The following TACC2 variants were observed in gnomAD, a reference collection of about 807,000 sequenced individuals.
TACC2 encodes the protein transforming acidic coiled-coil-containing protein 2.
In TACC2, 137 loss-of-function variants were observed where a neutral mutation model predicts 227.3. The ratio of observed to expected loss-of-function variants is 0.60; its 90% confidence interval spans 0.52 to 0.69. The LOEUF (loss-of-function observed/expected upper bound fraction) is 0.69, where lower values mean the gene tolerates loss of function less well. Among genes scored for constraint, TACC2 ranks in the 30% least tolerant of loss-of-function variants. TACC2 has a pLI of 0.00. For missense variants in TACC2, 3,470 were observed against 3,694.4 expected, an observed-to-expected ratio of 0.94 and a Z score of 1.57; for synonymous variants, 1,523 against 1,487.5, an observed-to-expected ratio of 1.02 and a Z score of -0.55.
At position 122,234,408 on chromosome 10, in the gene TACC2, CTT is replaced by C. The variant is rs948091392; in HGVS notation, c.8128-2981_8128-2980del. 5.3e-5 allele frequency among the ~76,000 whole-genome samples: 8 copies of C among 152,310 alleles called. No individual in the cohort carries two copies. In the East Asian group the frequency reaches 1.5e-3, roughly 29 times the overall value. ...ACATTTCAATTTGTGATTCTAGTGG[CTT>C]TTTTTGGCCCCTCTAAAGTAGCAAG... On this transcript the variant is annotated intron_variant, in intron 16 of 22. Coordinates refer to ENST00000369005, the MANE Select transcript of TACC2 (RefSeq NM_206862.4).
chr10:122,020,953 C>T (rs968883256), intron 1 of TACC2, among the ~76,000 whole-genome samples: 9 of 152,118 alleles, frequency 5.9e-5, no homozygotes, highest in Admixed American at 2.6e-4. Flanking sequence ...ATTAATAGGC[C>T]GGGCGCGGTG....
intron 1 of TACC2, among the ~76,000 whole-genome samples, chr10:122,016,998 A>G (rs1956729150): frequency 1.3e-5 from 2 of 152,188 alleles, no homozygotes; most frequent in South Asian, 4.1e-4. Flanking sequence ...GCCATCCACA[A>G]GCCAAAAAGA....
chr10:122,134,279 C>G (rs1048029346), intron 6 of TACC2, among the ~76,000 whole-genome samples: 3 of 151,654 alleles, frequency 2.0e-5, no homozygotes, highest in African/African-American at 4.9e-5. Flanking sequence ...TCAAGCGATT[C>G]TCCTGCCTCA....
intron 3 of TACC2, among the ~76,000 whole-genome samples, chr10:122,070,753 C>CAAAAAA (rs367744186): frequency 1.0e-5 from 1 of 99,640 alleles, no homozygotes; most frequent in African/African-American, 4.0e-5. Context: ...AATTCCGTCT[C>CAAAAAA]AAAAAAAAAA....
chr10:122,134,069 A>G (rs2088993613), intron 6 of TACC2, among the ~76,000 whole-genome samples: 1 of 152,114 alleles, frequency 6.6e-6, no homozygotes, highest in African/African-American at 2.4e-5. Flanking sequence ...GACGGGATAG[A>G]TAGGGCAGGA....
At chr10:122,060,503 C>T (rs1462121549) in intron 3 of TACC2, among the ~76,000 whole-genome samples, 11 of 152,214 alleles carry the variant, frequency 7.2e-5, no homozygotes, top group Non-Finnish European at 1.5e-5. Flanking sequence ...GTGCTATGGC[C>T]TTTGAGGCCA....
In TACC2 at chr10:122,194,041, C is replaced by A. The variant is rs7895892; in HGVS notation, c.5835-999C>A. Among the ~76,000 whole-genome samples, 8,170 of 152,274 alleles carry A rather than the reference C, an allele frequency of 0.054. 603 individuals are homozygous for A. Among genetic ancestry groups the A allele is most frequent in the African/African-American group, 0.17 (7,049 of 41,510 alleles). ...TAAGTGATCCTCCTGCCTCACCCTC[C>A]CTAGTAGCTGAGACCATAGGCACAT... On this transcript the variant is annotated intron_variant, in intron 7 of 22. Transcript: ENST00000369005. The surrounding 1 kb of genome is among the most constrained non-coding windows in gnomAD (Gnocchi z 4.4).
chr10:122,019,716 G>C (rs11200337), intron 1 of TACC2: 1 of 152,246 alleles, frequency 6.6e-6, no homozygotes, highest in East Asian at 1.9e-4. Context: ...CAGGTATGAA[G>C]TGCAGCTGGC....
At chr10:122,131,850 C>T (rs2088179935) in intron 5 of TACC2, among the ~76,000 whole-genome samples, 1 of 150,726 alleles carries the variant, frequency 6.6e-6, no homozygotes, top group East Asian at 2.0e-4. Context: ...GATGAAACCC[C>T]AACTCTACTA....
intron 7 of TACC2, among the ~76,000 whole-genome samples, chr10:122,185,937 C>T (rs1212730101): frequency 6.6e-6 from 1 of 152,148 alleles, no homozygotes; most frequent in Non-Finnish European, 1.5e-5. Context: ...ATTTTCCTTT[C>T]TTCCTTTTTT....
At chr10:122,179,990 T>C (rs2140257644) in intron 7 of TACC2, among the ~76,000 whole-genome samples, 1 of 151,984 alleles carries the variant, frequency 6.6e-6, no homozygotes. Flanking sequence ...AGGCTGAGGT[T>C]CAGAGGATCG....
chr10:122,003,847 G>A (rs943647126), intron 1 of TACC2, among the ~76,000 whole-genome samples: 5 of 151,760 alleles, frequency 3.3e-5, no homozygotes, highest in Middle Eastern at 3.2e-3. Context: ...TAGTAGAGAC[G>A]GGGTTTCACT....
At chr10:122,058,252 G>T (rs2136335379) in intron 3 of TACC2, among the ~76,000 whole-genome samples, 1 of 152,288 alleles carries the variant, frequency 6.6e-6, no homozygotes, top group East Asian at 1.9e-4. Flanking sequence ...CCTATAATCT[G>T]TTGAATGTGT....
intron 1 of TACC2, among the ~76,000 whole-genome samples, chr10:121,992,647 A>C (rs1168978555): frequency 6.6e-6 from 1 of 152,162 alleles, no homozygotes; most frequent in Non-Finnish European, 1.5e-5. Flanking sequence ...AATTGATCCA[A>C]GTCACTGCTA....
At chr10:122,119,380 C>T (rs931652692) in intron 5 of TACC2, among the ~76,000 whole-genome samples, 26 of 152,126 alleles carry the variant, frequency 1.7e-4, no homozygotes, top group African/African-American at 6.0e-4. Flanking sequence ...ACTTGCTGCC[C>T]CTGCCCACCT....
intron 5 of TACC2, among the ~76,000 whole-genome samples, chr10:122,096,571 C>G (rs1286321688): frequency 6.6e-6 from 1 of 152,064 alleles, no homozygotes; most frequent in East Asian, 1.9e-4. Flanking sequence ...TGGTGCATGC[C>G]TATAATCCCA....
intron 9 of TACC2, among the ~76,000 whole-genome samples, chr10:122,212,206 A>C (rs1449630152): frequency 6.6e-6 from 1 of 152,240 alleles, no homozygotes; most frequent in Non-Finnish European, 1.5e-5. Flanking sequence ...GGAATGAGAG[A>C]TGTGGCCTGG....
rs774831593 is a variant in TACC2, at chr10:122,082,671, C to A, written c.171C>A (p.Gly57=). 3 of 1,613,270 alleles carry A rather than the reference C, an allele frequency of 1.9e-6. No individual in the cohort carries two copies. The highest frequency in any genetic ancestry group is 2.5e-6 in the Non-Finnish European group (3 of 1,179,564). Residue 57 remains glycine (G), a synonymous_variant, in exon 4 of 23, where the codon GGC becomes GGA. Transcript: ENST00000369005. ...GCATTGGCAGCGTTGGGCTTGGAGG[C>A]TTCTGCACCGCTTCTGAGAGTTCTG... is the stretch of plus-strand genomic sequence containing the variant. ...ASSIGSVGLG[G]FCTASESSAS...
intron 1 of TACC2, among the ~76,000 whole-genome samples, chr10:122,006,451 A>AAAATAAATAAATAAATAAATAAAT (rs147969943): frequency 1.2e-3 from 182 of 149,340 alleles, no homozygotes; most frequent in African/African-American, 2.5e-3. Context: ...TCAGTCTCAA[A>AAAATAAATAAATAAATAAATAAAT]AAATAAATAA....
Sources: gnomAD v4.1 joint callset for allele counts (sites outside exome capture counted in the v4.1 genomes callset) on GRCh38, gnomAD v4.1.1 for gene constraint, Gnocchi (gnomAD v3.1) non-coding constraint, MANE v1.5 for transcripts, NCBI Gene and HGNC (gene_info 2026-07-23, HGNC 2026-07-21) for gene names.